The following VWDE variants were observed in gnomAD, a reference collection of about 807,000 sequenced individuals.
VWDE encodes the protein von Willebrand factor D and EGF domain-containing protein.
In VWDE, 207 loss-of-function variants were observed where a neutral mutation model predicts 178.4. That is an observed-to-expected ratio of 1.16 (90% CI 1.04 to 1.30). The LOEUF is 1.30. Ranked by LOEUF, VWDE falls within the 50% of genes most tolerant of loss-of-function variation. The pLI is 0.00. For synonymous variants in VWDE, 738 were observed against 651.4 expected (o/e 1.13, Z -2.02); for missense variants, 2,287 against 1,901.3 (o/e 1.20, Z -3.77).
chr7:12,389,218 G>C lies in VWDE; in HGVS notation c.384C>G (p.Leu128=). The C allele has an allele frequency of 6.4e-7, 1 of 1,551,788 alleles. No homozygotes were observed. The highest frequency in any genetic ancestry group is 8.7e-7 in the Non-Finnish European group (1 of 1,147,022). Residue 128 remains leucine, a synonymous_variant, in exon 3 of 29, where the codon CTC becomes CTG. Coordinates refer to ENST00000275358, the MANE Select transcript of VWDE (RefSeq NM_001135924.3). ...FLFSTTKDCC[L]FQIPVSVRNC... ...TTCTTACAGACACTGGGATTTGAAA[G>C]AGACAGCAGTCTTTTGTAGTGCTGA...
Position 12,361,440 on chromosome 7 carries a change from G to A in VWDE, c.2980C>T (p.Leu994=). 1 of 1,551,232 alleles carries A rather than the reference G, an allele frequency of 6.4e-7. No homozygotes were observed. The highest frequency in any genetic ancestry group is 8.7e-7 in the Non-Finnish European group (1 of 1,146,682). The part of the protein sequence containing the change: ...FHNSRAVDCQ[L]PTDVQQFDTM... ...TCAAACTGCTGAACATCAGTGGGCAGCTGACAATCAACAGCTCTGCTATTG... is the reference window on the plus strand; with the variant it reads ...TCAAACTGCTGAACATCAGTGGGCAACTGACAATCAACAGCTCTGCTATTG... Residue 994 remains leucine, a synonymous_variant, in exon 14 of 29, where the codon CTG becomes TTG. Coordinates refer to ENST00000275358, the MANE Select transcript of VWDE (RefSeq NM_001135924.3).
chr7:12,399,358 G>T (rs1240578396), intron 1 of VWDE, among the ~76,000 whole-genome samples: 1 of 152,094 alleles, frequency 6.6e-6, no homozygotes, highest in Non-Finnish European at 1.5e-5. Flanking sequence ...ATGATAAAAG[G>T]GTCAATCCGT....
chr7:12,343,382 T>C (rs1781433346), intron 21 of VWDE, among the ~76,000 whole-genome samples: 1 of 152,192 alleles, frequency 6.6e-6, no homozygotes, highest in South Asian at 2.1e-4. Flanking sequence ...ATGCTTTGAT[T>C]AATAAAACGT....
Position 12,351,555 on chromosome 7 carries a change from A to T in VWDE, c.3886+18T>A, listed in dbSNP as rs1288671931. On this transcript the variant is annotated intron_variant, in intron 19 of 28. Coordinates refer to ENST00000275358, the MANE Select transcript of VWDE (RefSeq NM_001135924.3). Reference sequence around the variant, plus strand: ...AGGAATTACTTGTCATTAGATTTTAACTATGACCATTACTTACTGAAGGCA... The same window carrying T: ...AGGAATTACTTGTCATTAGATTTTATCTATGACCATTACTTACTGAAGGCA... 6.5e-7 allele frequency: 1 copy of T among 1,535,460 alleles called. No homozygotes were observed. The highest frequency in any genetic ancestry group is 8.8e-7 in the Non-Finnish European group (1 of 1,141,832).
intron 27 of VWDE, 115 bp from the exon 28 acceptor site, chr7:12,333,683 T>A (rs2128543414): frequency 1.5e-6 from 1 of 679,048 alleles, no homozygotes; most frequent in Middle Eastern, 2.5e-4. Flanking sequence ...GTCATAAGAA[T>A]CTATTAATGA....
chr7:12,367,033 T>C (rs968141024), intron 13 of VWDE, among the ~76,000 whole-genome samples: 6 of 152,186 alleles, frequency 3.9e-5, no homozygotes, highest in Admixed American at 3.9e-4. Context: ...GCAAGATGTC[T>C]TGGCTAAAAA....
chr7:12,345,795 T>C (rs1413840824), intron 19 of VWDE, among the ~76,000 whole-genome samples: 2 of 152,140 alleles, frequency 1.3e-5, no homozygotes, highest in African/African-American at 2.4e-5. Context: ...TGATATCTGA[T>C]GGGAAATAGG....
chr7:12,337,160 A>G lies in VWDE; in HGVS notation c.4462+17T>C, dbSNP rs1490894472. ...GGCTTTAGCTGTAGTTGACAAATAC[A>G]TTTAGTGATGTCTTACTTTTTTGGA... On this transcript the variant is annotated intron_variant, in intron 25 of 28. Transcript: ENST00000275358. The G allele has an allele frequency of 2.6e-6, 4 of 1,551,494 alleles. No individual in the cohort carries two copies. The East Asian group carries it at 7.3e-5, about 28-fold the overall frequency.
At chr7:12,355,351 G>A (rs1583295850) in intron 18 of VWDE, among the ~76,000 whole-genome samples, 1 of 151,500 alleles carries the variant, frequency 6.6e-6, no homozygotes, top group East Asian at 2.0e-4. Flanking sequence ...AGGAGGCGGA[G>A]CTTGCAGTGA....
At chr7:12,397,641 G>T (rs1301540095) in intron 1 of VWDE, among the ~76,000 whole-genome samples, 1 of 152,024 alleles carries the variant, frequency 6.6e-6, no homozygotes, top group Non-Finnish European at 1.5e-5. Context: ...CCTACAGAAT[G>T]GGAGAAAATA....
Position 12,344,412 on chromosome 7 carries a change from T to C in VWDE, c.3944A>G (p.Lys1315Arg), listed in dbSNP as rs73294382. 4,497 of 1,551,066 alleles carry C rather than the reference T, an allele frequency of 2.9e-3. 108 individuals carry two copies. In the African/African-American group the frequency reaches 0.055, roughly 19 times the overall value. The stretch of plus-strand genomic sequence containing the variant: ...AGAACCAATGTAACCAGGTTTACAT[T>C]TGCAGATGTTTGGGGCAACACACTC... ...SRECVAPNIC[K>R]CKPGYIGSNC... The change falls in exon 20 of 29, where the codon AAA becomes AGA. Residue 1315 changes from lysine to arginine, a missense_variant. By Grantham distance (26) the Lys-to-Arg change is conservative (BLOSUM62 2). Coordinates refer to ENST00000275358, the MANE Select transcript of VWDE (RefSeq NM_001135924.3).
At chr7:12,358,031 A>G (rs970152633) in intron 16 of VWDE, among the ~76,000 whole-genome samples, 22 of 152,044 alleles carry the variant, frequency 1.4e-4, no homozygotes, top group African/African-American at 5.3e-4. Flanking sequence ...AGTCATACTC[A>G]TCTTCTGATC....
In VWDE at chr7:12,369,830, A is replaced by G. The variant is rs75583079; in HGVS notation, c.2476T>C (p.Phe826Leu). Residue 826 changes from phenylalanine (F) to leucine (L), a missense_variant, in exon 12 of 29, where the codon TTT becomes CTT. Physicochemically the swap from Phe to Leu is conservative, Grantham distance 22. Transcript: ENST00000275358. ...ACACTGTCTAATCTCTTGCCAAGAA[A>G]AGCAAGACACAGCCTTCCTATGCTG... ...NSSIGRLCLA[F>L]LGKRLDSVIE... 3,510 of 1,551,508 alleles carry G rather than the reference A, an allele frequency of 2.3e-3. 71 individuals are homozygous for G. In the African/African-American group the frequency reaches 0.043, roughly 19 times the overall value.
intron 16 of VWDE, 69 bp from the exon 17 acceptor site, chr7:12,357,584 C>T (rs1269504126): frequency 1.3e-6 from 2 of 1,482,032 alleles, no homozygotes. Flanking sequence ...TCTGAGAGCT[C>T]CCACAGAGAT....
At chr7:12,331,977 T>TA (rs1780747159) in intron 28 of VWDE, among the ~76,000 whole-genome samples, 2 of 152,278 alleles carry the variant, frequency 1.3e-5, no homozygotes, top group African/African-American at 4.8e-5. Flanking sequence ...TTCTTTTTTT[T>TA]ACCCACTATC....
chr7:12,344,049 A>T (rs1781468963), intron 21 of VWDE, 146 bp downstream of exon 21: 1 of 487,274 alleles, frequency 2.1e-6, no homozygotes, highest in South Asian at 5.9e-5. Context: ...TTTAATAAGT[A>T]TTTTAAAATG....
intron 19 of VWDE, among the ~76,000 whole-genome samples, chr7:12,349,643 A>G (rs1391476065): frequency 1.3e-5 from 2 of 151,952 alleles, no homozygotes; most frequent in Non-Finnish European, 2.9e-5. Context: ...GCCAGAATAT[A>G]TAAAGTACTC....
At chr7:12,371,890 T>C (rs112911199) in intron 10 of VWDE, among the ~76,000 whole-genome samples, 32 of 152,256 alleles carry the variant, frequency 2.1e-4, no homozygotes, top group Middle Eastern at 3.4e-3. Context: ...CAAGGAAAGA[T>C]ACAATAAACA....
intron 1 of VWDE, among the ~76,000 whole-genome samples, chr7:12,396,165 C>G (rs1243130419): frequency 6.6e-6 from 1 of 151,900 alleles, no homozygotes; most frequent in Non-Finnish European, 1.5e-5. Context: ...AAATAATTTC[C>G]TTTTTTTATT....
Sources: allele counts gnomAD v4.1 joint callset (sites outside exome capture counted in the v4.1 genomes callset), GRCh38; gene constraint gnomAD v4.1.1; transcripts MANE v1.5; gene names NCBI Gene and HGNC (gene_info 2026-07-23, HGNC 2026-07-21).